The following NAA35 variants were observed in gnomAD, a reference collection of about 807,000 sequenced individuals.
NAA35 encodes MAK10 homolog, amino-acid N-acetyltransferase subunit.
Under a neutral mutation model 101.7 loss-of-function variants are expected in NAA35, and 18 were observed. The observed-to-expected ratio is 0.18, with a 90% CI of 0.12 to 0.26. The LOEUF is 0.26. NAA35 is among the 10% of genes least tolerant of loss of function. The pLI, the probability that NAA35 is intolerant of heterozygous loss-of-function variation, is 1.00. For synonymous variants in NAA35, 267 were observed against 273.1 expected (o/e 0.98, Z 0.22); for missense variants, 601 against 886.8 (o/e 0.68, Z 4.09).
At chr9:85,988,463 T>G (rs1200381183) in intron 11 of NAA35, among the ~76,000 whole-genome samples, 2 of 152,090 alleles carry the variant, frequency 1.3e-5, no homozygotes, top group Admixed American at 1.3e-4. Flanking sequence ...AGAGATCTCA[T>G]TGAAAATAGC....
chr9:85,993,066 A>C (rs919841102), intron 11 of NAA35, among the ~76,000 whole-genome samples: 1 of 152,236 alleles, frequency 6.6e-6, no homozygotes, highest in Admixed American at 6.5e-5. Context: ...TGAAATACTG[A>C]TACATGCAAC....
chr9:85,993,438 C>T (rs564928890), intron 11 of NAA35, among the ~76,000 whole-genome samples: 4 of 152,086 alleles, frequency 2.6e-5, no homozygotes, highest in Admixed American at 1.3e-4. Flanking sequence ...CAAAGTGCTG[C>T]GATTACAGGT....
chr9:85,966,552 CTT>C (rs1829750711), intron 6 of NAA35: 1 of 981,110 alleles, frequency 1.0e-6, no homozygotes, highest in South Asian at 1.8e-5. Context: ...TTGATTTTTT[CTT>C]TCTTTCTTTT....
intron 10 of NAA35, among the ~76,000 whole-genome samples, chr9:85,977,854 A>T (rs914207236): frequency 2.0e-5 from 3 of 152,124 alleles, no homozygotes; most frequent in African/African-American, 7.2e-5. Context: ...ATTACAGATT[A>T]ATTTGTGAAT....
intron 11 of NAA35, among the ~76,000 whole-genome samples, chr9:85,992,749 G>A (rs1001461674): frequency 1.3e-5 from 2 of 152,208 alleles, no homozygotes; most frequent in African/African-American, 4.8e-5. Flanking sequence ...ATTAAATGCA[G>A]TTGACATGGT....
intron 4 of NAA35, among the ~76,000 whole-genome samples, 190 bp from the exon 5 acceptor site, chr9:85,959,603 A>G (rs1829424926): frequency 6.6e-6 from 1 of 152,098 alleles, no homozygotes; most frequent in South Asian, 2.1e-4. Flanking sequence ...TAAAATTTAT[A>G]AGAAGATATA....
chr9:85,962,745 A>G (rs1220558494), intron 6 of NAA35, among the ~76,000 whole-genome samples: 1 of 152,176 alleles, frequency 6.6e-6, no homozygotes, highest in East Asian at 1.9e-4. Context: ...GTATGTGCAG[A>G]GTGCTGTTTT....
chr9:85,967,054 G>A (rs1423043182), intron 6 of NAA35, among the ~76,000 whole-genome samples: 1 of 151,940 alleles, frequency 6.6e-6, no homozygotes, highest in African/African-American at 2.4e-5. Flanking sequence ...TGGGAGAATC[G>A]CTTGAACTCA....
chr9:85,988,792 G>A (rs1432563064), intron 11 of NAA35, among the ~76,000 whole-genome samples: 2 of 148,820 alleles, frequency 1.3e-5, no homozygotes, highest in Admixed American at 6.7e-5. Flanking sequence ...GTGAAACTCC[G>A]TCTCGAAAAA....
At chr9:86,009,779 C>G (rs1256826059) in intron 14 of NAA35, 86 bp from the exon 15 acceptor site, 4 of 918,222 alleles carry the variant, frequency 4.4e-6, no homozygotes, top group Middle Eastern at 2.2e-4. Context: ...TATTCACCTT[C>G]TCTGTCATTT....
intron 11 of NAA35, among the ~76,000 whole-genome samples, chr9:85,981,598 A>G (rs889997686): frequency 2.0e-5 from 3 of 152,318 alleles, no homozygotes; most frequent in East Asian, 3.9e-4. Flanking sequence ...CTGGTTTTAT[A>G]GTGTGCTGAC....
Position 85,956,344 on chromosome 9 carries a change from C to CTT in NAA35, c.125-15_125-14insTT. 2.2e-6 allele frequency: 3 copies of CTT among 1,336,470 alleles called. No individual in the cohort carries two copies. The South Asian group carries it at 4.1e-5, about 18-fold the overall frequency. 82.8% of individuals were successfully genotyped at this position (1,336,470 alleles called of 1,614,324 possible). ...ATATAAATATGTTCAAAGGGTTTTT[C>CTT]TCTTTTTTTTTTTAGAATTAAAGTT... On this transcript the variant is annotated splice_polypyrimidine_tract_variant and intron_variant, in intron 2 of 22. Coordinates refer to ENST00000361671, the MANE Select transcript of NAA35 (RefSeq NM_024635.4).
At chr9:85,941,979 G>A (rs186220082) in intron 1 of NAA35, 176 bp from the exon 2 acceptor site, 2 of 1,235,408 alleles carry the variant, frequency 1.6e-6, no homozygotes, top group African/African-American at 1.5e-5. Flanking sequence ...GTTAATTGAC[G>A]TGCGATTTGA....
At chr9:86,019,039 A>G (rs1832386722) in intron 21 of NAA35, among the ~76,000 whole-genome samples, 1 of 152,224 alleles carries the variant, frequency 6.6e-6, no homozygotes, top group African/African-American at 2.4e-5. Flanking sequence ...GCTTTGTATA[A>G]ATTTAGAAGT....
rs1360626358 is a variant in NAA35 at position 85,958,547 on chromosome 9, A to G, written c.234A>G (p.Gln78=). ...TGGATGCTGGCATGATTGGAAACCA[A>G]GTTAATCGAAAAGTTCTCAATTTTG... ...PKMDAGMIGN[Q]VNRKVLNFEQ... Residue 78 remains glutamine, a synonymous_variant, in exon 4 of 23, where the codon CAA becomes CAG. Transcript: ENST00000361671. The G allele has an allele frequency of 3.7e-6, 6 of 1,611,270 alleles. No individual in the cohort carries two copies. Among genetic ancestry groups the G allele is most frequent in the Non-Finnish European group, 5.1e-6 (6 of 1,178,458 alleles).
intron 17 of NAA35, 75 bp from the exon 18 acceptor site, chr9:86,016,464 T>A: frequency 8.8e-7 from 1 of 1,138,454 alleles, no homozygotes. Context: ...TTGAAATATC[T>A]ATCGTTAATA....
chr9:86,013,197 C>T lies in NAA35; in HGVS notation c.1389+53C>T, dbSNP rs935534915. The T allele has an allele frequency of 2.7e-6, 3 of 1,123,858 alleles. No homozygotes were observed. In the Admixed American group the frequency reaches 6.4e-5, roughly 24 times the overall value. The allele number at this position is 1,123,858 out of a possible 1,614,324, so 69.6% of individuals were successfully genotyped here. ...AAATTAAATGATGCACACACTTTGT[C>T]CAGATTTTTAAAAACAATAATTCAG... is the stretch of plus-strand genomic sequence containing the variant. On this transcript the variant is annotated intron_variant, in intron 16 of 22. Coordinates refer to ENST00000361671, the MANE Select transcript of NAA35 (RefSeq NM_024635.4).
chr9:85,960,922 T>C (rs1291947816), intron 5 of NAA35, among the ~76,000 whole-genome samples: 1 of 152,176 alleles, frequency 6.6e-6, no homozygotes, highest in Admixed American at 6.5e-5. Context: ...GAGGGTATAT[T>C]GCATGGGCAT....
chr9:85,994,027 T>C (rs1831053501), intron 11 of NAA35, among the ~76,000 whole-genome samples: 1 of 151,920 alleles, frequency 6.6e-6, no homozygotes, highest in African/African-American at 2.4e-5. Flanking sequence ...AAATATATGC[T>C]AAACAGTATT....
Sources: allele counts gnomAD v4.1 joint callset (sites outside exome capture counted in the v4.1 genomes callset), GRCh38; gene constraint gnomAD v4.1.1; transcripts MANE v1.5; gene names NCBI Gene and HGNC (gene_info 2026-07-23, HGNC 2026-07-21).